NAT2: variants seen among roughly 807,000 people sequenced by gnomAD.
NAT2 encodes arylamine N-acetyltransferase 2.
For missense variants in NAT2, 428 were observed against 339.1 expected, an observed-to-expected ratio of 1.26 and a Z score of -2.06; for synonymous variants, 137 against 125.9, an observed-to-expected ratio of 1.09 and a Z score of -0.59.
At position 18,400,073 on chromosome 8, in the gene NAT2, T is replaced by C. The variant is rs45477599; in HGVS notation, c.70T>C (p.Leu24=). The stretch of plus-strand genomic sequence containing the variant: ...TAGGAACAAATTGGACTTGGAAACA[T>C]TAACTGACATTCTTGAGCACCAGAT... ...NSRNKLDLET[L]TDILEHQIRA... The change falls in exon 2 of 2, where the codon TTA becomes CTA. Residue 24 remains leucine (L), a synonymous_variant. Transcript: ENST00000286479. 1 of 1,613,518 alleles carries C rather than the reference T, an allele frequency of 6.2e-7. No individual in the cohort carries two copies. Among genetic ancestry groups the C allele is most frequent in the Non-Finnish European group, 8.5e-7 (1 of 1,179,778 alleles).
chr8:18,387,163 A>C (rs1282231177), upstream of NAT2: 1 of 152,242 alleles, frequency 6.6e-6, no homozygotes, highest in African/African-American at 2.4e-5. Context: ...GGCCCAGTGC[A>C]GGGAGCGCGG....
Position 18,400,215 on chromosome 8 carries a change from T to A in NAT2, c.212T>A (p.Val71Asp). The A allele has an allele frequency of 6.2e-7, 1 of 1,612,430 alleles. No homozygotes were observed. Among genetic ancestry groups the A allele is most frequent in the Non-Finnish European group, 8.5e-7 (1 of 1,178,876 alleles). ...AACCGGGGTGGGTGGTGTCTCCAGG[T>A]CAATCAACTTCTGTACTGGGCTCTG... ...RRNRGGWCLQVNQLLYWALTT... is the reference protein window; with the variant it reads ...RRNRGGWCLQDNQLLYWALTT... The change falls in exon 2 of 2, where the codon GTC becomes GAC. Residue 71 changes from valine to aspartate, a missense_variant. By Grantham distance (152) the Val-to-Asp change is radical (BLOSUM62 -3). Coordinates refer to ENST00000286479, the MANE Select transcript of NAT2 (RefSeq NM_000015.3).
chr8:18,398,708 C>T (rs1334605377), intron 1 of NAT2, among the ~76,000 whole-genome samples: 1 of 152,154 alleles, frequency 6.6e-6, no homozygotes, highest in African/African-American at 2.4e-5. Context: ...TGGGTTCTCC[C>T]CAGTAGCTTT....
At chr8:18,394,022 C>G (rs572017660) in intron 1 of NAT2, among the ~76,000 whole-genome samples, 1 of 152,066 alleles carries the variant, frequency 6.6e-6, no homozygotes. Context: ...TGGGTGCAGG[C>G]GGGCTGAGTC....
At chr8:18,394,074 T>C (rs1252526416) in intron 1 of NAT2, among the ~76,000 whole-genome samples, 1 of 151,992 alleles carries the variant, frequency 6.6e-6, no homozygotes, top group Non-Finnish European at 1.5e-5. Flanking sequence ...TGGGGCCATT[T>C]TATAGGATTT....
upstream of NAT2, among the ~76,000 whole-genome samples, chr8:18,389,176 A>G (rs536327938): frequency 2.0e-4 from 30 of 152,332 alleles, no homozygotes; most frequent in African/African-American, 7.0e-4. Flanking sequence ...CTGGATTGCA[A>G]CATTTTAATT....
intron 1 of NAT2, among the ~76,000 whole-genome samples, chr8:18,396,233 C>G (rs1208982243): frequency 6.6e-6 from 1 of 151,900 alleles, no homozygotes; most frequent in East Asian, 1.9e-4. Context: ...ACATAAGGGC[C>G]TAGATTCTGG....
chr8:18,399,946 A>C (rs1800758288), intron 1 of NAT2, 52 bp from the exon 2 acceptor site: 4 of 1,507,382 alleles, frequency 2.7e-6, no homozygotes, highest in Non-Finnish European at 3.6e-6. Flanking sequence ...TCACACGAGG[A>C]AATCAAATGC....
In NAT2 at chr8:18,394,845, A is replaced by C. The variant is rs184474406; in HGVS notation, c.-7+3500A>C. Among the ~76,000 whole-genome samples, 371 of 152,356 alleles carry C rather than the reference A, an allele frequency of 2.4e-3. 3 individuals are homozygous for C. The highest frequency in any genetic ancestry group is 7.5e-3 in the Admixed American group (115 of 15,308). On this transcript the variant is annotated intron_variant, in intron 1 of 1. Transcript: ENST00000286479. ...ACAAAACAAAACAGATTCTAACTGA[A>C]TTTATGCAAATAATTATATTCCCAT...
intron 1 of NAT2, among the ~76,000 whole-genome samples, chr8:18,395,319 A>G (rs1800664814): frequency 6.6e-6 from 1 of 152,152 alleles, no homozygotes; most frequent in South Asian, 2.1e-4. Flanking sequence ...TAGGACAGCC[A>G]TGGTCAAGGA....
upstream of NAT2, among the ~76,000 whole-genome samples, chr8:18,386,556 A>T (rs952696126): frequency 6.6e-6 from 1 of 152,278 alleles, no homozygotes; most frequent in Non-Finnish European, 1.5e-5. Context: ...GCTTCTCCCG[A>T]GTGCCAGGTG....
intron 1 of NAT2, among the ~76,000 whole-genome samples, chr8:18,396,334 GA>G (rs1800689232): frequency 6.6e-6 from 1 of 152,098 alleles, no homozygotes; most frequent in South Asian, 2.1e-4. Context: ...CTTATATATA[GA>G]ATTCCTTTTA....
chr8:18,390,839 G>A (rs541763600), upstream of NAT2, among the ~76,000 whole-genome samples: 2 of 152,294 alleles, frequency 1.3e-5, no homozygotes, highest in South Asian at 2.1e-4. Flanking sequence ...GAGTGAGGAT[G>A]AGAGATGAAA....
chr8:18,390,284 C>T (rs1245201734), upstream of NAT2, among the ~76,000 whole-genome samples: 1 of 152,166 alleles, frequency 6.6e-6, no homozygotes, highest in African/African-American at 2.4e-5. Flanking sequence ...GAAAACTGCA[C>T]ATCTCACTCA....
chr8:18,390,943 C>T (rs150487996), upstream of NAT2, among the ~76,000 whole-genome samples: 14 of 152,106 alleles, frequency 9.2e-5, no homozygotes, highest in South Asian at 1.9e-3. Context: ...CCTCTTCTGC[C>T]GCTTCTAAGT....
intron 1 of NAT2, 116 bp from the exon 2 acceptor site, chr8:18,399,878 CAGAT>C: frequency 8.8e-7 from 1 of 1,130,576 alleles, no homozygotes; most frequent in South Asian, 1.8e-5. Flanking sequence ...ATTACTATGA[CAGAT>C]ACTTATAACC....
upstream of NAT2, among the ~76,000 whole-genome samples, chr8:18,388,976 C>T (rs1315332893): frequency 6.6e-6 from 1 of 152,176 alleles, no homozygotes; most frequent in Non-Finnish European, 1.5e-5. Flanking sequence ...AGCTCTCTGA[C>T]ATCTCACACT....
rs33992151 is a variant in NAT2, at chr8:18,395,951, C to CTTT, written c.-6-4032_-6-4030dup. On this transcript the variant is annotated intron_variant, in intron 1 of 1. Coordinates refer to ENST00000286479, the MANE Select transcript of NAT2 (RefSeq NM_000015.3). Reference sequence around the variant, plus strand: ...AATTTGTCTCTCTTCCCCAACCCATCTTTTTTTTTTTTTTTTTGCAGTTTT... The same window carrying CTTT: ...AATTTGTCTCTCTTCCCCAACCCATCTTTTTTTTTTTTTTTTTTTTGCAGTTTT... 1.4e-3 allele frequency among the ~76,000 whole-genome samples: 191 copies of CTTT among 134,482 alleles called. 2 individuals are homozygous for CTTT. The highest frequency in any genetic ancestry group is 5.9e-3 in the South Asian group (25 of 4,208). The allele number at this position is 134,482 out of a possible 152,430, so 88.2% of individuals were successfully genotyped here.
chr8:18,397,697 C>T (rs1260849323), intron 1 of NAT2, among the ~76,000 whole-genome samples: 1 of 152,106 alleles, frequency 6.6e-6, no homozygotes, highest in African/African-American at 2.4e-5. Flanking sequence ...ATTTGCTCTT[C>T]ATTAAATTCC....
Sources: gnomAD v4.1 joint callset for allele counts (sites outside exome capture counted in the v4.1 genomes callset) on GRCh38, gnomAD v4.1.1 for gene constraint, MANE v1.5 for transcripts, NCBI Gene and HGNC (gene_info 2026-07-23, HGNC 2026-07-21) for gene names.